Variants in DLEU7 observed in about 807,000 individuals in gnomAD.
DLEU7 encodes leukemia-associated protein 7.
DLEU7 carries 17 observed loss-of-function variants against 16.0 expected under a neutral mutation model. The observed-to-expected ratio is 1.06, with a 90% CI of 0.73 to 1.59. The LOEUF is 1.59. DLEU7 is among the 40% of genes most tolerant of loss of function. The pLI is 0.00. For synonymous variants in DLEU7, 113 were observed against 139.8 expected (o/e 0.81, Z 1.35); for missense variants, 308 against 314.9 (o/e 0.98, Z 0.17).
chr13:50,769,296 A>T (rs984876650), intron 1 of DLEU7, among the ~76,000 whole-genome samples: 3 of 152,088 alleles, frequency 2.0e-5, no homozygotes, highest in Non-Finnish European at 4.4e-5. Flanking sequence ...GTTTCATTAG[A>T]TCCTATTTGT....
chr13:50,742,242 G>T (rs1874270530), intron 1 of DLEU7, among the ~76,000 whole-genome samples: 2 of 152,056 alleles, frequency 1.3e-5, no homozygotes, highest in African/African-American at 4.8e-5. Context: ...TGAAAAAAAG[G>T]AATGCAATCA....
At chr13:50,805,705 C>T (rs947129201) in intron 1 of DLEU7, among the ~76,000 whole-genome samples, 3 of 152,176 alleles carry the variant, frequency 2.0e-5, no homozygotes, top group African/African-American at 7.2e-5. Context: ...TCTCATTCAG[C>T]TTTATCGCCT....
intron 1 of DLEU7, among the ~76,000 whole-genome samples, chr13:50,755,548 G>T: frequency 1.0e-5 from 1 of 98,954 alleles, no homozygotes; most frequent in South Asian, 2.5e-4. Flanking sequence ...AGTTTTTATT[G>T]CTTTTTTTTA....
intron 1 of DLEU7, among the ~76,000 whole-genome samples, chr13:50,783,871 C>T (rs1875725903): frequency 6.6e-6 from 1 of 152,162 alleles, no homozygotes; most frequent in African/African-American, 2.4e-5. Flanking sequence ...TGGCCCATAC[C>T]ACGCCCAAAG....
intron 1 of DLEU7, chr13:50,840,219 T>C (rs889612876): frequency 1.3e-5 from 2 of 152,210 alleles, no homozygotes; most frequent in African/African-American, 4.8e-5. Context: ...TTCTATTGTA[T>C]AAAATCTGTA....
intron 1 of DLEU7, among the ~76,000 whole-genome samples, chr13:50,732,556 G>A (rs1257963183): frequency 2.3e-5 from 3 of 130,128 alleles, no homozygotes; most frequent in Non-Finnish European, 1.5e-5. Flanking sequence ...GCAGTGAGCC[G>A]AGATCGAGCC....
intron 1 of DLEU7, among the ~76,000 whole-genome samples, chr13:50,773,785 G>A (rs561521052): frequency 6.6e-6 from 1 of 152,294 alleles, no homozygotes; most frequent in South Asian, 2.1e-4. Context: ...CTCCGTGCTG[G>A]GAGAACGACT....
At chr13:50,828,665 T>G (rs1221516973) in intron 1 of DLEU7, among the ~76,000 whole-genome samples, 1 of 152,206 alleles carries the variant, frequency 6.6e-6, no homozygotes, top group Non-Finnish European at 1.5e-5. Flanking sequence ...GACCAGAGTT[T>G]CCTTCCTAAT....
At chr13:50,756,694 A>G (rs547947) in intron 1 of DLEU7, among the ~76,000 whole-genome samples, 150,699 of 152,300 alleles carry the variant, frequency 0.99, 74,560 homozygotes, top group East Asian at 1. Context: ...TGTGGAGTCT[A>G]CACACCAGAT....
At chr13:50,787,769 C>T (rs1464476063) in intron 1 of DLEU7, among the ~76,000 whole-genome samples, 2 of 151,884 alleles carry the variant, frequency 1.3e-5, no homozygotes, top group Non-Finnish European at 2.9e-5. Flanking sequence ...AGACTCCCTG[C>T]CATCTATCCC....
chr13:50,748,856 T>C (rs945505529), intron 1 of DLEU7, among the ~76,000 whole-genome samples: 2 of 152,174 alleles, frequency 1.3e-5, no homozygotes, highest in Non-Finnish European at 2.9e-5. Flanking sequence ...GCTGAAGCAG[T>C]CTCCTCTTTC....
intron 1 of DLEU7, among the ~76,000 whole-genome samples, chr13:50,806,959 A>G (rs1363449564): frequency 7.3e-6 from 1 of 136,928 alleles, no homozygotes; most frequent in Non-Finnish European, 1.5e-5. Context: ...CCTGGGTGAC[A>G]GAGCTAGACT....
At position 50,748,228 on chromosome 13, in the gene DLEU7, C is replaced by CTTTT. The variant is rs71085044; in HGVS notation, c.460-34992_460-34989dup. Among the ~76,000 whole-genome samples, 594 of 89,234 alleles carry CTTTT rather than the reference C, an allele frequency of 6.7e-3. 9 individuals are homozygous for CTTTT. The highest frequency in any genetic ancestry group is 9.6e-3 in the Middle Eastern group (1 of 104). 58.5% of individuals were successfully genotyped at this position (89,234 alleles called of 152,430 possible). ...TTACTTCTTACACAGACTCCTTAAA[C>CTTTT]TTTTTTTTTTTTTTTTTTTTTTTGT... On this transcript the variant is annotated intron_variant, in intron 1 of 1. Transcript: ENST00000400393.
intron 1 of DLEU7, among the ~76,000 whole-genome samples, chr13:50,762,085 G>A (rs1874950670): frequency 6.6e-6 from 1 of 151,022 alleles, no homozygotes; most frequent in Non-Finnish European, 1.5e-5. Flanking sequence ...CCAGCTACTC[G>A]GGAGGCTGAG....
Position 50,778,450 on chromosome 13 carries a change from C to T in DLEU7, c.459+64738G>A, listed in dbSNP as rs537410778. Reference sequence around the variant, plus strand: ...TGACTTCCTCCATCTGCTGCTTCCTCCTTCTTCTTTCCATCCCATAGCTAT... The same window carrying T: ...TGACTTCCTCCATCTGCTGCTTCCTTCTTCTTCTTTCCATCCCATAGCTAT... On this transcript the variant is annotated intron_variant, in intron 1 of 1. Coordinates refer to the DLEU7 transcript ENST00000400393. 2.0e-5 allele frequency among the ~76,000 whole-genome samples: 3 copies of T among 152,296 alleles called. No individual in the cohort carries two copies. The South Asian group carries it at 6.2e-4, about 32-fold the overall frequency.
intron 1 of DLEU7, among the ~76,000 whole-genome samples, chr13:50,791,692 T>C (rs1227182417): frequency 6.6e-6 from 1 of 152,078 alleles, no homozygotes; most frequent in African/African-American, 2.4e-5. Flanking sequence ...CCCAAAATTA[T>C]GAATACAAAT....
chr13:50,792,863 CTT>C (rs34476833), intron 1 of DLEU7, among the ~76,000 whole-genome samples: 7 of 145,408 alleles, frequency 4.8e-5, no homozygotes, highest in African/African-American at 1.5e-4. Flanking sequence ...CTTTGCTCCT[CTT>C]TTTTTTTTTT....
intron 1 of DLEU7, among the ~76,000 whole-genome samples, chr13:50,758,770 A>G (rs1874837911): frequency 6.6e-6 from 1 of 152,222 alleles, no homozygotes; most frequent in Non-Finnish European, 1.5e-5. Flanking sequence ...AGAGTGAGGG[A>G]TGAGAGAGAA....
At chr13:50,769,505 T>C (rs1171795911) in intron 1 of DLEU7, among the ~76,000 whole-genome samples, 1 of 152,230 alleles carries the variant, frequency 6.6e-6, no homozygotes, top group African/African-American at 2.4e-5. Context: ...TTTCTACATA[T>C]GGCTAGCCAG....
Sources: allele counts gnomAD v4.1 joint callset (sites outside exome capture counted in the v4.1 genomes callset), GRCh38; gene constraint gnomAD v4.1.1; transcripts MANE v1.5; gene names NCBI Gene and HGNC (gene_info 2026-07-23, HGNC 2026-07-21).